TTN: variants seen among roughly 807,000 people sequenced by gnomAD.
TTN encodes the protein connectin.
TTN carries 1,525 observed loss-of-function variants against 3,223.0 expected under a neutral mutation model. The ratio of observed to expected loss-of-function variants is 0.47; its 90% CI spans 0.45 to 0.49. TTN has a LOEUF of 0.49. TTN is among the 20% of genes least tolerant of loss of function. The pLI is 0.00. For missense variants in TTN, 40,786 were observed against 43,424.0 expected, an observed-to-expected ratio of 0.94 and a Z score of 5.40; for synonymous variants, 14,094 against 15,161.0, an observed-to-expected ratio of 0.93 and a Z score of 5.17.
rs555029471 is a variant in TTN at position 178,663,874 on chromosome 2, G to A, written c.36393C>T (p.Arg12131=). ...KVPEASKEVI[R]EEKVPLAPPK... ...GAGGAGCCAAGGGCACTTTCTCTTC[G>A]CGGATAACCTCTTTGGAAGCTTCTG... Residue 12131 remains arginine, a synonymous_variant, in exon 170 of 363, where the codon CGC becomes CGT. Transcript: ENST00000589042. 44 of 1,612,634 alleles carry A rather than the reference G, an allele frequency of 2.7e-5. No individual in the cohort carries two copies. The highest frequency in any genetic ancestry group is 6.6e-5 in the South Asian group (6 of 91,034).
In TTN at chr2:178,571,008, T is replaced by C; in HGVS notation, c.75124A>G (p.Ile25042Val). 2 of 1,613,004 alleles carry C rather than the reference T, an allele frequency of 1.2e-6. No individual in the cohort carries two copies. The highest frequency in any genetic ancestry group is 1.7e-6 in the Non-Finnish European group (2 of 1,179,194). ...TCAGGTAATTCTTTCTTCTCAACAA[T>C]ATAACCAGTGATCTTGCTTCCACCG... Reference protein sequence around the residue: ...YDGGSKITGYIVEKKELPEGR... With the variant: ...YDGGSKITGYVVEKKELPEGR... The change falls in exon 326 of 363, where the codon ATT (isoleucine) becomes GTT (valine). Residue 25042 changes from isoleucine (I) to valine (V), a missense_variant. By Grantham distance (29) the Ile-to-Val change is conservative. Coordinates refer to ENST00000589042, the MANE Select transcript of TTN (RefSeq NM_001267550.2).
In TTN at chr2:178,652,268, T is replaced by C; in HGVS notation, c.39207A>G (p.Thr13069=). 1 of 1,613,608 alleles carries C rather than the reference T, an allele frequency of 6.2e-7. No individual in the cohort carries two copies. The highest frequency in any genetic ancestry group is 8.5e-7 in the Non-Finnish European group (1 of 1,179,686). ...PPPKKPEVPP[T]KVPEVPKVAV... is the part of the protein sequence containing the mutation. Reference sequence around the variant, plus strand: ...CAGCACCATGAGGGTGTCTACCTTTTGTGGGTGGCACTTCAGGCTTTTTAG... The same window carrying C: ...CAGCACCATGAGGGTGTCTACCTTTCGTGGGTGGCACTTCAGGCTTTTTAG... The change falls in exon 203 of 363, where the codon ACA becomes ACG. Residue 13069 remains threonine, a synonymous_variant. Coordinates refer to ENST00000589042, the MANE Select transcript of TTN (RefSeq NM_001267550.2).
chr2:178,688,811 T>C (rs1313420827), intron 125 of TTN, 33 bp from the exon 126 acceptor site: 1 of 1,527,438 alleles, frequency 6.5e-7, no homozygotes, highest in East Asian at 2.3e-5. Flanking sequence ...AAGTTTAAAA[T>C]CAAGAATTTT....
intron 144 of TTN, 26 bp from the exon 145 acceptor site, chr2:178,678,234 G>T (rs2068535540): frequency 1.3e-6 from 2 of 1,578,056 alleles, no homozygotes; most frequent in Non-Finnish European, 1.7e-6. Flanking sequence ...TTATATTTAG[G>T]AATATGTTCT....
rs2062943161 is a variant in TTN, at chr2:178,651,459, C to T, written c.39541G>A (p.Ala13181Thr). The change falls in exon 207 of 363, where the codon GCT (alanine) becomes ACT (threonine). Residue 13181 changes from alanine to threonine, a missense_variant. Transcript: ENST00000589042. Reference sequence around the variant, plus strand: ...AGTGGACAGCCACATATACCTTTAGCAGGTGGGGCTTCTGGCTTTTTGGGA... The same window carrying T: ...AGTGGACAGCCACATATACCTTTAGTAGGTGGGGCTTCTGGCTTTTTGGGA... ...VVPKKPEAPP[A>T]KVPEVPKEVV... The T allele has an allele frequency of 6.2e-7, 1 of 1,610,014 alleles. No homozygotes were observed. The highest frequency in any genetic ancestry group is 1.3e-5 in the African/African-American group (1 of 74,612).
In TTN at chr2:178,664,574, C is replaced by G. The variant is rs768650857; in HGVS notation, c.36203-37G>C. ...TTAATAATTTTACATTTAGAAGTTA[C>G]AAGAATCAACACAATCAGGAAAAAC... On this transcript the variant is annotated intron_variant, in intron 167 of 362. Transcript: ENST00000589042. The G allele has an allele frequency of 1.9e-6, 3 of 1,604,778 alleles. No individual in the cohort carries two copies. In the East Asian group the frequency reaches 6.7e-5, roughly 36 times the overall value.
chr2:178,712,520 T>A lies in TTN; in HGVS notation c.27402A>T (p.Thr9134=), dbSNP rs2154296080. The A allele has an allele frequency of 6.2e-7, 1 of 1,613,724 alleles. No homozygotes were observed. The highest frequency in any genetic ancestry group is 8.5e-7 in the Non-Finnish European group (1 of 1,179,760). The change falls in exon 95 of 363, where the codon ACA becomes ACT. Residue 9134 remains threonine, a synonymous_variant. Coordinates refer to ENST00000589042, the MANE Select transcript of TTN (RefSeq NM_001267550.2). ...CCGAAATGGGAGGAGTTCCAGTGAA[T>A]GTACCCTCTAGGATCAGGGGTTTTC... ...EKGKPLILEG[T]FTGTPPISVT... is the part of the protein sequence containing the mutation.
Position 178,539,261 on chromosome 2 carries a change from T to C in TTN, c.98684-10A>G, listed in dbSNP as rs727505072. ...GGAGGTTCTGGAGGATCTGTAAATA[T>C]AAGTGGAAAGCACACATGTATTAGA... On this transcript the variant is annotated splice_polypyrimidine_tract_variant and intron_variant, in intron 352 of 362. Transcript: ENST00000589042. 2.4e-5 allele frequency: 38 copies of C among 1,611,578 alleles called. No homozygotes were observed. Among genetic ancestry groups the C allele is most frequent in the African/African-American group, 4.0e-5 (3 of 74,838 alleles).
Position 178,767,875 on chromosome 2 carries a change from T to A in TTN, c.9355A>T (p.Thr3119Ser), listed in dbSNP as rs775164752. 7 of 1,614,030 alleles carry A rather than the reference T, an allele frequency of 4.3e-6. No individual in the cohort carries two copies. The highest frequency in any genetic ancestry group is 5.9e-6 in the Non-Finnish European group (7 of 1,179,980). Residue 3119 changes from threonine (T) to serine (S), a missense_variant, in exon 40 of 363, where the codon ACC becomes TCC. Physicochemically the swap from Thr to Ser is moderately conservative, Grantham distance 58 (BLOSUM62 1). Transcript: ENST00000589042. ...KYVHRLLIPS[T>S]RMSDAGKYTV... is the part of the protein sequence containing the mutation. ...TACTTCCCAGCATCAGACATCCGGG[T>A]GGATGGGATCAGAAGGCGGTGGACA...
chr2:178,730,087 C>T lies in TTN; in HGVS notation c.18307+6G>A, dbSNP rs2080157709. 3 of 1,448,166 alleles carry T rather than the reference C, an allele frequency of 2.1e-6. No individual in the cohort carries two copies. The highest frequency in any genetic ancestry group is 1.1e-5 in the South Asian group (1 of 88,594). The allele number at this position is 1,448,166 out of a possible 1,614,324, so 89.7% of individuals were successfully genotyped here. A position where few individuals can be genotyped will look rare whatever the true frequency, so the allele number is the denominator to read the frequency against. ...GCAAGAAAGTGAGGAGATGTAGAGA[C>T]CAGACCTTTTACAAAGAGAGTGGCT... On this transcript the variant is annotated splice_donor_region_variant and intron_variant, in intron 62 of 362. Transcript: ENST00000589042.
chr2:178,721,978 G>A lies in TTN; in HGVS notation c.22685C>T (p.Thr7562Ile), dbSNP rs1553909660. ...NKEIRPGGNY[T>I]ITCVGNTPHL... The stretch of plus-strand genomic sequence containing the variant: ...AGGAGTGTTTCCCACACATGTGATT[G>A]TATAGTTTCCTCCAGGACGGATCTC... The change falls in exon 78 of 363, where the codon ACA becomes ATA. Residue 7562 changes from threonine to isoleucine, a missense_variant. Physicochemically the swap from Thr to Ile is moderately conservative, Grantham distance 89. Coordinates refer to ENST00000589042, the MANE Select transcript of TTN (RefSeq NM_001267550.2). The A allele has an allele frequency of 1.2e-6, 2 of 1,613,492 alleles. No individual in the cohort carries two copies. Among genetic ancestry groups the A allele is most frequent in the African/African-American group, 2.7e-5 (2 of 74,904 alleles).
chr2:178,663,200 A>C, intron 173 of TTN, 66 bp downstream of exon 173: 1 of 1,552,728 alleles, frequency 6.4e-7, no homozygotes, highest in Non-Finnish European at 8.7e-7. Context: ...AGGATTTTTA[A>C]CATGTAATTT....
At position 178,634,775 on chromosome 2, in the gene TTN, T is replaced by C. The variant is rs759297459; in HGVS notation, c.42099A>G (p.Glu14033=). 9 of 1,613,256 alleles carry C rather than the reference T, an allele frequency of 5.6e-6. No individual in the cohort carries two copies. The South Asian group carries it at 7.7e-5, about 14-fold the overall frequency. ...TTGCATTAAGGGCCTGGTAGAGGAC[T>C]TCACCAGCTTGGTCCAGTTTGACTT... ...LHKVKLDQAG[E]VLYQALNAIT... Residue 14033 remains glutamate, a synonymous_variant, in exon 229 of 363, where the codon GAA becomes GAG. Coordinates refer to ENST00000589042, the MANE Select transcript of TTN (RefSeq NM_001267550.2). The surrounding 1 kb of genome is among the most constrained non-coding windows in gnomAD (Gnocchi z 4.6).
intron 294 of TTN, among the ~76,000 whole-genome samples, chr2:178,596,992 T>G (rs1389760255): frequency 6.6e-6 from 1 of 152,130 alleles, no homozygotes; most frequent in Non-Finnish European, 1.5e-5. Context: ...GGTTTTTGCA[T>G]TATTATGATA....
chr2:178,603,258 TA>T (rs2053930646), intron 282 of TTN, among the ~76,000 whole-genome samples: 1 of 152,026 alleles, frequency 6.6e-6, no homozygotes, highest in Admixed American at 6.6e-5. Context: ...CTTGAGTATT[TA>T]AAATTTTCTT....
intron 40 of TTN, among the ~76,000 whole-genome samples, 183 bp downstream of exon 40, chr2:178,767,576 C>T (rs1007479256): frequency 6.6e-6 from 1 of 152,136 alleles, no homozygotes; most frequent in Non-Finnish European, 1.5e-5. Flanking sequence ...CACCCTTATT[C>T]CCTGAGTGGA....
At chr2:178,614,002 A>C in intron 262 of TTN, 50 bp downstream of exon 262, 1 of 1,609,462 alleles carries the variant, frequency 6.2e-7, no homozygotes, top group Non-Finnish European at 8.5e-7. Flanking sequence ...CCAAAATGCA[A>C]GTTTGACATA....
chr2:178,664,003 A>G lies in TTN; in HGVS notation c.36364+12T>C, dbSNP rs1433532592. On this transcript the variant is annotated intron_variant, in intron 169 of 362. Transcript: ENST00000589042. ...ATTAGGTCTTCTGAAGCCTAAAGTC[A>G]GTGACAAATACCTTTAACAGGTGGG... The G allele has an allele frequency of 6.2e-7, 1 of 1,613,042 alleles. No individual in the cohort carries two copies. Among genetic ancestry groups the G allele is most frequent in the Admixed American group, 1.7e-5 (1 of 59,924 alleles).
chr2:178,747,434 G>T (rs766389691), intron 47 of TTN: 2 of 1,613,344 alleles, frequency 1.2e-6, no homozygotes, highest in South Asian at 2.2e-5. Flanking sequence ...TGATGGTGGG[G>T]TATAAAACTG....
Sources: gnomAD v4.1 joint callset for allele counts (sites outside exome capture counted in the v4.1 genomes callset) on GRCh38, gnomAD v4.1.1 for gene constraint, Gnocchi (gnomAD v3.1) non-coding constraint, MANE v1.5 for transcripts, NCBI Gene and HGNC (gene_info 2026-07-23, HGNC 2026-07-21) for gene names.